MYZAP: variants seen among roughly 807,000 people sequenced by gnomAD.
The protein encoded by MYZAP is GRINL1A complex locus upstream.
A neutral mutation model predicts 69.4 loss-of-function variants in MYZAP; 66 were observed. The observed-to-expected ratio is 0.95, with a 90% CI of 0.78 to 1.17. The LOEUF is 1.17. Ranked by LOEUF, MYZAP falls within the 50% of genes most tolerant of loss-of-function variation. The probability of loss-of-function intolerance (pLI) is 0.00; values close to 1 mark genes in which losing one functional copy is unlikely to be tolerated. For synonymous variants in MYZAP, 256 were observed against 205.9 expected, an observed-to-expected ratio of 1.24 and a Z score of -2.09; for missense variants, 611 against 556.2, an observed-to-expected ratio of 1.10 and a Z score of -0.99.
At chr15:57,616,273 G>A (rs1432437462) in intron 2 of MYZAP, among the ~76,000 whole-genome samples, 1 of 152,204 alleles carries the variant, frequency 6.6e-6, no homozygotes, top group African/African-American at 2.4e-5. Flanking sequence ...CCAGCACTTT[G>A]GGAGGCCAAA....
chr15:57,603,967 G>A (rs2034577592), intron 1 of MYZAP, among the ~76,000 whole-genome samples: 1 of 152,134 alleles, frequency 6.6e-6, no homozygotes, highest in Non-Finnish European at 1.5e-5. Context: ...CTTGTGAAAT[G>A]AGATCATTCT....
chr15:57,684,709 A>G lies in MYZAP; in HGVS notation c.*211A>G, dbSNP rs564887277. Reference sequence around the variant, plus strand: ...GGATATACAAGGTCACATTTCAGACACCCACTCGGCATACCCTGCCGTACT... The same window carrying G: ...GGATATACAAGGTCACATTTCAGACGCCCACTCGGCATACCCTGCCGTACT... On this transcript the variant is annotated 3_prime_UTR_variant, in exon 13 of 13. Transcript: ENST00000267853. 5.7e-4 allele frequency: 258 copies of G among 454,666 alleles called. 4 individuals carry two copies. In the South Asian group the frequency reaches 7.2e-3, roughly 13 times the overall value. The allele number at this position is 454,666 out of a possible 1,614,324, so 28.2% of individuals were successfully genotyped here.
At chr15:57,645,333 T>C in intron 10 of MYZAP, among the ~76,000 whole-genome samples, 1 of 152,208 alleles carries the variant, frequency 6.6e-6, no homozygotes, top group Non-Finnish European at 1.5e-5. Flanking sequence ...GTTGAGACTT[T>C]GAGTATCTGG....
intron 1 of MYZAP, among the ~76,000 whole-genome samples, chr15:57,595,149 A>T (rs2140308411): frequency 6.6e-6 from 1 of 152,328 alleles, no homozygotes; most frequent in African/African-American, 2.4e-5. Context: ...AATGGCTGCC[A>T]CCTGCAATTT....
chr15:57,683,206 T>G (rs992743945), intron 12 of MYZAP, among the ~76,000 whole-genome samples: 1 of 152,120 alleles, frequency 6.6e-6, no homozygotes, highest in Non-Finnish European at 1.5e-5. Flanking sequence ...TGCCGCCAAC[T>G]ACCAAGCTGC....
chr15:57,675,446 G>A (rs2039070990), intron 12 of MYZAP, among the ~76,000 whole-genome samples: 1 of 152,328 alleles, frequency 6.6e-6, no homozygotes, highest in South Asian at 2.1e-4. Context: ...TCTGGAGGGA[G>A]AGACAGGTAT....
chr15:57,620,761 G>T (rs2140393464), intron 3 of MYZAP, among the ~76,000 whole-genome samples: 1 of 152,248 alleles, frequency 6.6e-6, no homozygotes, highest in Non-Finnish European at 1.5e-5. Flanking sequence ...AGGGCCGATA[G>T]AGGGAAAATT....
At chr15:57,642,625 T>A (rs2037225479) in intron 10 of MYZAP, among the ~76,000 whole-genome samples, 1 of 152,216 alleles carries the variant, frequency 6.6e-6, no homozygotes, top group African/African-American at 2.4e-5. Context: ...TTGGCCATAA[T>A]GTCCATGAGG....
At chr15:57,610,931 G>T in intron 2 of MYZAP, among the ~76,000 whole-genome samples, 1 of 152,208 alleles carries the variant, frequency 6.6e-6, no homozygotes, top group Admixed American at 6.5e-5. Context: ...TGAATATTTC[G>T]CTGTCAGAGC....
At chr15:57,659,584 A>G (rs1322504997) in intron 10 of MYZAP, among the ~76,000 whole-genome samples, 5 of 152,328 alleles carry the variant, frequency 3.3e-5, no homozygotes, top group East Asian at 3.9e-4. Flanking sequence ...ACTGCTAACA[A>G]TCTTCTCAGT....
chr15:57,641,614 T>A (rs1318149873), intron 10 of MYZAP, among the ~76,000 whole-genome samples: 1 of 152,184 alleles, frequency 6.6e-6, no homozygotes, highest in Non-Finnish European at 1.5e-5. Context: ...CCCTAGGGGC[T>A]GGCTGGGTTT....
chr15:57,651,832 G>A (rs1032688138), intron 10 of MYZAP, among the ~76,000 whole-genome samples: 3 of 152,074 alleles, frequency 2.0e-5, no homozygotes, highest in Non-Finnish European at 2.9e-5. Flanking sequence ...CAGTTTAACC[G>A]TCCTTCCCTG....
intron 10 of MYZAP, among the ~76,000 whole-genome samples, chr15:57,651,587 C>G (rs1397744781): frequency 1.3e-5 from 2 of 152,182 alleles, no homozygotes; most frequent in Non-Finnish European, 2.9e-5. Context: ...ATAGGACAGC[C>G]TGGGCCTTGC....
chr15:57,628,330 G>C (rs2036281905), intron 5 of MYZAP, among the ~76,000 whole-genome samples: 1 of 152,168 alleles, frequency 6.6e-6, no homozygotes, highest in East Asian at 1.9e-4. Context: ...GAGTGCAGCA[G>C]TGTGATATAG....
At chr15:57,674,862 G>T in intron 11 of MYZAP, 106 bp from the exon 12 acceptor site, 1 of 891,578 alleles carries the variant, frequency 1.1e-6, no homozygotes, top group East Asian at 2.6e-5. Context: ...TGTGATAGTT[G>T]CCCATGTCAT....
chr15:57,638,814 G>T (rs535519138), intron 9 of MYZAP, among the ~76,000 whole-genome samples: 1 of 152,140 alleles, frequency 6.6e-6, no homozygotes, highest in Admixed American at 6.5e-5. Flanking sequence ...GTATTCTGCC[G>T]TTGATTTCAG....
intron 9 of MYZAP, among the ~76,000 whole-genome samples, chr15:57,639,007 G>C (rs562008521): frequency 4.3e-4 from 66 of 152,250 alleles, no homozygotes; most frequent in Admixed American, 1.2e-3. Flanking sequence ...TTGCAAATGG[G>C]AACTTGAAAA....
chr15:57,612,870 C>G (rs2140362028), intron 2 of MYZAP, among the ~76,000 whole-genome samples: 1 of 152,190 alleles, frequency 6.6e-6, no homozygotes, highest in South Asian at 2.1e-4. Flanking sequence ...TATGGAATGC[C>G]CTTTCAGTTA....
intron 1 of MYZAP, among the ~76,000 whole-genome samples, chr15:57,598,385 T>G (rs2140317290): frequency 6.6e-6 from 1 of 152,300 alleles, no homozygotes; most frequent in East Asian, 1.9e-4. Context: ...TCCAGGGAGT[T>G]TCAGGTATAT....
Sources: gnomAD v4.1 joint callset for allele counts (sites outside exome capture counted in the v4.1 genomes callset) on GRCh38, gnomAD v4.1.1 for gene constraint, MANE v1.5 for transcripts, NCBI Gene and HGNC (gene_info 2026-07-23, HGNC 2026-07-21) for gene names.